The following UBE2H variants were observed in gnomAD, a reference collection of about 807,000 sequenced individuals.
The protein encoded by UBE2H is ubiquitin conjugating enzyme E2 H.
Under a neutral mutation model 29.0 loss-of-function variants are expected in UBE2H, and 3 were observed. The observed-to-expected ratio is 0.10, with a 90% CI of 0.05 to 0.27. UBE2H has a LOEUF of 0.27. UBE2H is among the 10% of genes least tolerant of loss of function. The pLI, the probability that UBE2H is intolerant of heterozygous loss-of-function variation, is 1.00. For synonymous variants in UBE2H, 69 were observed against 82.9 expected (o/e 0.83, Z 0.91); for missense variants, 68 against 228.2 (o/e 0.30, Z 4.52).
At chr7:129,890,620 C>G (rs1001484947) in intron 1 of UBE2H, among the ~76,000 whole-genome samples, 1 of 152,040 alleles carries the variant, frequency 6.6e-6, no homozygotes, top group East Asian at 1.9e-4. Flanking sequence ...TCAGGTGATC[C>G]GCCTACCTTG....
chr7:129,950,555 T>C (rs547360457), intron 1 of UBE2H, among the ~76,000 whole-genome samples: 2 of 152,194 alleles, frequency 1.3e-5, no homozygotes, highest in South Asian at 4.1e-4. Flanking sequence ...TAGGCCCCCC[T>C]CTTTATCCTC....
chr7:129,888,594 C>T (rs1311875778), intron 1 of UBE2H, among the ~76,000 whole-genome samples: 1 of 152,180 alleles, frequency 6.6e-6, no homozygotes, highest in Non-Finnish European at 1.5e-5. Context: ...CCTGCCTCGG[C>T]CTCCCGAGTA....
chr7:129,923,965 A>G (rs1307975572), intron 1 of UBE2H, among the ~76,000 whole-genome samples: 2 of 152,218 alleles, frequency 1.3e-5, no homozygotes, highest in African/African-American at 4.8e-5. Flanking sequence ...ATCCGTAACA[A>G]CAGCAAAAAC....
chr7:129,898,949 A>G (rs960954505), intron 1 of UBE2H, among the ~76,000 whole-genome samples: 9 of 152,198 alleles, frequency 5.9e-5, no homozygotes, highest in Non-Finnish European at 1.2e-4. Flanking sequence ...ATACACACAC[A>G]TCCACGTCAT....
intron 6 of UBE2H, among the ~76,000 whole-genome samples, chr7:129,836,013 T>C (rs1404457362): frequency 6.6e-6 from 1 of 152,206 alleles, no homozygotes; most frequent in Non-Finnish European, 1.5e-5. Context: ...ATAAACAGAA[T>C]GTGTGATAAA....
intron 1 of UBE2H, among the ~76,000 whole-genome samples, chr7:129,888,514 G>A (rs1244084470): frequency 5.3e-5 from 8 of 151,548 alleles, no homozygotes; most frequent in Non-Finnish European, 8.8e-5. Flanking sequence ...TCACTCTGTC[G>A]CCAAGGCTGG....
At chr7:129,927,729 C>T (rs1027033882) in intron 1 of UBE2H, among the ~76,000 whole-genome samples, 1 of 152,052 alleles carries the variant, frequency 6.6e-6, no homozygotes, top group Non-Finnish European at 1.5e-5. Context: ...AGACATGTAT[C>T]GCATATTCTC....
intron 6 of UBE2H, among the ~76,000 whole-genome samples, chr7:129,835,679 G>A (rs758761175): frequency 6.6e-6 from 1 of 152,178 alleles, no homozygotes; most frequent in Non-Finnish European, 1.5e-5. Context: ...TACAGCCTTG[G>A]TGGAACCCTA....
chr7:129,887,885 A>AAAAAC (rs1242569431), intron 1 of UBE2H, among the ~76,000 whole-genome samples: 1 of 152,132 alleles, frequency 6.6e-6, no homozygotes, highest in Non-Finnish European at 1.5e-5. Flanking sequence ...CTCCGTCTCA[A>AAAAAC]AAAACAAAAC....
chr7:129,946,491 A>T (rs1330303942), intron 1 of UBE2H, among the ~76,000 whole-genome samples: 1 of 152,248 alleles, frequency 6.6e-6, no homozygotes, highest in Non-Finnish European at 1.5e-5. Flanking sequence ...GAAAAAAGCC[A>T]TAAGGTTAAC....
At chr7:129,849,613 T>G (rs1397679752) in intron 5 of UBE2H, among the ~76,000 whole-genome samples, 1 of 152,054 alleles carries the variant, frequency 6.6e-6, no homozygotes, top group Non-Finnish European at 1.5e-5. Context: ...ACAATTAATT[T>G]GAACTCAACT....
At chr7:129,951,668 G>A (rs1807878861) in intron 1 of UBE2H, among the ~76,000 whole-genome samples, 1 of 152,160 alleles carries the variant, frequency 6.6e-6, no homozygotes, top group Admixed American at 6.5e-5. Context: ...AATAAAGGGT[G>A]TCACTTGGCG....
intron 3 of UBE2H, 65 bp from the exon 4 acceptor site, chr7:129,859,006 TG>T: frequency 2.2e-6 from 3 of 1,343,526 alleles, no homozygotes; most frequent in Non-Finnish European, 3.2e-6. Context: ...ATTTCAGTAC[TG>T]GAAACAATTT....
intron 1 of UBE2H, among the ~76,000 whole-genome samples, chr7:129,912,345 T>C (rs1806953761): frequency 6.6e-6 from 1 of 152,222 alleles, no homozygotes; most frequent in Non-Finnish European, 1.5e-5. Context: ...TGACATATCT[T>C]GGCGATGAGA....
chr7:129,906,761 C>T (rs1481671252), intron 1 of UBE2H, among the ~76,000 whole-genome samples: 7 of 152,290 alleles, frequency 4.6e-5, no homozygotes, highest in African/African-American at 1.7e-4. Context: ...CAATGAGATA[C>T]ACCCTCCTGA....
rs543068838 is a variant in UBE2H at position 129,934,403 on chromosome 7, C to A, written c.53+18100G>T. Among the ~76,000 whole-genome samples, 9 of 152,076 alleles carry A rather than the reference C, an allele frequency of 5.9e-5. No individual in the cohort carries two copies. The South Asian group carries it at 1.9e-3, about 32-fold the overall frequency. On this transcript the variant is annotated intron_variant, in intron 1 of 6. Coordinates refer to ENST00000355621, the MANE Select transcript of UBE2H (RefSeq NM_003344.4). ...CTATAATCTCAGCACTTTGGGAGGC[C>A]AAGGCGGGTGGATCACCTGAGGTCA...
chr7:129,933,582 A>C (rs1807451868), intron 1 of UBE2H, among the ~76,000 whole-genome samples: 1 of 152,224 alleles, frequency 6.6e-6, no homozygotes, highest in Non-Finnish European at 1.5e-5. Flanking sequence ...CATTTAAGAA[A>C]ACAAACACAC....
chr7:129,930,436 T>G (rs543987178), intron 1 of UBE2H, among the ~76,000 whole-genome samples: 1 of 151,008 alleles, frequency 6.6e-6, no homozygotes, highest in East Asian at 2.0e-4. Flanking sequence ...AGTGTTGGGA[T>G]TACAGGCGTG....
At chr7:129,876,301 T>C (rs1157163448) in intron 3 of UBE2H, among the ~76,000 whole-genome samples, 1 of 152,104 alleles carries the variant, frequency 6.6e-6, no homozygotes, top group Admixed American at 6.6e-5. Context: ...GGCCAGAACT[T>C]CTCTACCCTG....
Sources: gnomAD v4.1 joint callset for allele counts (sites outside exome capture counted in the v4.1 genomes callset) on GRCh38, gnomAD v4.1.1 for gene constraint, MANE v1.5 for transcripts, NCBI Gene and HGNC (gene_info 2026-07-23, HGNC 2026-07-21) for gene names.